The following GPSM1 variants were observed in gnomAD, a reference collection of about 807,000 sequenced individuals.
GPSM1 encodes the protein G protein signaling modulator 1, also known as G protein-signaling modulator 1.
Under a neutral mutation model 70.5 loss-of-function variants are expected in GPSM1, and 48 were observed. The observed-to-expected ratio is 0.68, with a 90% CI of 0.54 to 0.87. The LOEUF (loss-of-function observed/expected upper bound fraction) is 0.87, where lower values mean the gene tolerates loss of function less well. Among genes scored for constraint, GPSM1 ranks in the 40% least tolerant of loss-of-function variants. GPSM1 has a pLI of 0.00. For missense variants in GPSM1, 981 were observed against 972.6 expected, an observed-to-expected ratio of 1.01 and a Z score of -0.11; for synonymous variants, 416 against 430.1, an observed-to-expected ratio of 0.97 and a Z score of 0.41.
Position 136,351,278 on chromosome 9 carries a change from G to A in GPSM1, c.1455+1515G>A, listed in dbSNP as rs183490215. ...CTGATGGGAGAGGTGTGGAGGGAAG[G>A]GCACCCAGGGAGCACCTGGTCAGGC... On this transcript the variant is annotated intron_variant, in intron 11 of 13. Coordinates refer to ENST00000440944, the MANE Select transcript of GPSM1 (RefSeq NM_001145638.3). Among the ~76,000 whole-genome samples, 50 of 152,278 alleles carry A rather than the reference G, an allele frequency of 3.3e-4. No homozygotes were observed. The East Asian group carries it at 6.8e-3, about 21-fold the overall frequency.
intron 13 of GPSM1, among the ~76,000 whole-genome samples, 173 bp from the exon 14 acceptor site, chr9:136,357,841 C>G (rs141715644): frequency 6.6e-6 from 1 of 152,184 alleles, no homozygotes; most frequent in African/African-American, 2.4e-5. Flanking sequence ...GCTCAGGGCC[C>G]GGGCTCCCAG....
At chr9:136,348,947 C>T (rs782372639) in intron 10 of GPSM1, among the ~76,000 whole-genome samples, 180 bp downstream of exon 10, 16 of 152,262 alleles carry the variant, frequency 1.1e-4, no homozygotes, top group Non-Finnish European at 2.1e-4. Flanking sequence ...TGTCCCTCAG[C>T]GTCTGGCCAG....
rs905648395 is a variant in GPSM1, at chr9:136,348,731, G to A, written c.1242G>A (p.Ala414=). Residue 414 remains alanine, a synonymous_variant, in exon 10 of 14, where the codon GCG becomes GCA. Coordinates refer to ENST00000440944, the MANE Select transcript of GPSM1 (RefSeq NM_001145638.3). ...ARPKRTQRLS[A]ETWDLLRLPL... Reference sequence around the variant, plus strand: ...CCAAGAGGACGCAGAGGCTGAGCGCGGAGACCTGGGACCTGCTGAGACTCC... The same window carrying A: ...CCAAGAGGACGCAGAGGCTGAGCGCAGAGACCTGGGACCTGCTGAGACTCC... 1.1e-5 allele frequency: 18 copies of A among 1,612,198 alleles called. No homozygotes were observed. The highest frequency in any genetic ancestry group is 1.6e-4 in the Middle Eastern group (1 of 6,066).
rs782407260 is a variant in GPSM1 at position 136,340,663 on chromosome 9, G to A, written c.1084-207G>A. ...AACTAGGGGCTGTTGAGGACCTGTG[G>A]GGCCACCTCACCCAGGGACAGACCC... On this transcript the variant is annotated intron_variant, in intron 8 of 13. Transcript: ENST00000440944. This position sits in a 1 kb window ranked among gnomAD's most constrained non-coding sequence, Gnocchi z 7.3. 2.6e-5 allele frequency among the ~76,000 whole-genome samples: 4 copies of A among 151,972 alleles called. No homozygotes were observed. Among genetic ancestry groups the A allele is most frequent in the Non-Finnish European group, 5.9e-5 (4 of 67,966 alleles).
chr9:136,330,547 C>T (rs1256239064), intron 1 of GPSM1, among the ~76,000 whole-genome samples: 7 of 152,162 alleles, frequency 4.6e-5, no homozygotes, highest in East Asian at 1.9e-4. Context: ...CCCGGTCCTG[C>T]GCCTCACTCT....
intron 11 of GPSM1, among the ~76,000 whole-genome samples, chr9:136,350,989 T>G (rs1202063598): frequency 6.6e-6 from 1 of 152,144 alleles, no homozygotes; most frequent in Non-Finnish European, 1.5e-5. Context: ...CTGGTTGGTG[T>G]TCAGGGGCAC....
chr9:136,336,850 C>T lies in GPSM1; in HGVS notation c.427-71C>T, dbSNP rs539629817. 1.7e-4 allele frequency: 239 copies of T among 1,427,846 alleles called. 2 individuals carry two copies. In the South Asian group the frequency reaches 2.9e-3, roughly 17 times the overall value. 88.4% of individuals were successfully genotyped at this position (1,427,846 alleles called of 1,614,324 possible). A position where few individuals can be genotyped will look rare whatever the true frequency, so the allele number is the denominator to read the frequency against. On this transcript the variant is annotated intron_variant, in intron 3 of 13. Coordinates refer to ENST00000440944, the MANE Select transcript of GPSM1 (RefSeq NM_001145638.3). ...TCGAGGGCTGGGACAGTGAGGACAC[C>T]GGTGTGCCGGCTCTGCACATCGTGT...
chr9:136,333,341 T>C (rs1466073999), intron 1 of GPSM1, among the ~76,000 whole-genome samples: 2 of 151,910 alleles, frequency 1.3e-5, no homozygotes, highest in Non-Finnish European at 2.9e-5. Flanking sequence ...CCATGTGACC[T>C]GTAAGAGTAG....
chr9:136,341,170 T>C lies in GPSM1; in HGVS notation c.1207+177T>C, dbSNP rs1554770240. On this transcript the variant is annotated intron_variant, in intron 9 of 13. Transcript: ENST00000440944. This position sits in a 1 kb window ranked among gnomAD's most constrained non-coding sequence, Gnocchi z 6.7. The stretch of plus-strand genomic sequence containing the variant: ...GACAGCACAGGCCTGAGGTTCACCC[T>C]GAGCCCTTCCCACCCGCATCCTGAG... 16 of 1,548,988 alleles carry C rather than the reference T, an allele frequency of 1.0e-5. No individual in the cohort carries two copies. Among genetic ancestry groups the C allele is most frequent in the African/African-American group, 1.4e-5 (1 of 73,130 alleles).
intron 1 of GPSM1, chr9:136,332,085 G>GC (rs774007960): frequency 1.5e-4 from 58 of 399,120 alleles, no homozygotes; most frequent in South Asian, 7.6e-4. Flanking sequence ...GGTGTATGGC[G>GC]CCCCCCGCCC....
intron 11 of GPSM1, among the ~76,000 whole-genome samples, chr9:136,353,544 T>G (rs1181542522): frequency 6.6e-6 from 1 of 152,178 alleles, no homozygotes; most frequent in Non-Finnish European, 1.5e-5. Flanking sequence ...GCACCTGCAG[T>G]CGTGGGCCCC....
In GPSM1 at chr9:136,341,274, C is replaced by T; in HGVS notation, c.1207+281C>T. ...CTGGCTGCTCCAGGGCCTCCACCCCCACCTCCCCCTGGAGCCCTCGGTGCA... is the reference window on the plus strand; with the variant it reads ...CTGGCTGCTCCAGGGCCTCCACCCCTACCTCCCCCTGGAGCCCTCGGTGCA... On this transcript the variant is annotated intron_variant, in intron 9 of 13. Coordinates refer to ENST00000440944, the MANE Select transcript of GPSM1 (RefSeq NM_001145638.3). The surrounding 1 kb of genome is among the most constrained non-coding windows in gnomAD (Gnocchi z 6.7). 2 of 1,476,398 alleles carry T rather than the reference C, an allele frequency of 1.4e-6. No individual in the cohort carries two copies. The highest frequency in any genetic ancestry group is 1.8e-6 in the Non-Finnish European group (2 of 1,111,666). The allele number at this position is 1,476,398 out of a possible 1,614,324, so 91.5% of individuals were successfully genotyped here. A position where few individuals can be genotyped will look rare whatever the true frequency, so the allele number is the denominator to read the frequency against.
At position 136,350,743 on chromosome 9, in the gene GPSM1, G is replaced by A. The variant is rs1003494053; in HGVS notation, c.1455+980G>A. Among the ~76,000 whole-genome samples, 14 of 152,240 alleles carry A rather than the reference G, an allele frequency of 9.2e-5. No individual in the cohort carries two copies. The East Asian group carries it at 9.6e-4, about 10-fold the overall frequency. Reference sequence around the variant, plus strand: ...TCACAGCCCAGCAAGCAGCAGCAGCGCAGCCTGGGCGCCACCCGGGTCCTC... The same window carrying A: ...TCACAGCCCAGCAAGCAGCAGCAGCACAGCCTGGGCGCCACCCGGGTCCTC... On this transcript the variant is annotated intron_variant, in intron 11 of 13. Coordinates refer to ENST00000440944, the MANE Select transcript of GPSM1 (RefSeq NM_001145638.3).
intron 9 of GPSM1, among the ~76,000 whole-genome samples, chr9:136,345,855 G>A (rs567604382): frequency 2.0e-5 from 3 of 152,204 alleles, no homozygotes. Context: ...TCATCTGGGT[G>A]GGGGTGGGCA....
At position 136,342,988 on chromosome 9, in the gene GPSM1, T is replaced by C. The variant is rs1338791972; in HGVS notation, c.1207+1995T>C. On this transcript the variant is annotated intron_variant, in intron 9 of 13. Transcript: ENST00000440944. The surrounding 1 kb of genome is among the most constrained non-coding windows in gnomAD (Gnocchi z 5.5). The stretch of plus-strand genomic sequence containing the variant: ...GAGGCTGGTGGGTTTGGTGTCCCGT[T>C]GATAAACACAAGGAGACTTACGTGC... 6.6e-6 allele frequency among the ~76,000 whole-genome samples: 1 copy of C among 151,962 alleles called. No individual in the cohort carries two copies. The highest frequency in any genetic ancestry group is 2.4e-5 in the African/African-American group (1 of 41,372).
rs782517443 is a variant in GPSM1 at position 136,341,010 on chromosome 9, TG to T, written c.1207+24del. The T allele has an allele frequency of 1.7e-5, 27 of 1,563,022 alleles. No individual in the cohort carries two copies. Among genetic ancestry groups the T allele is most frequent in the Admixed American group, 1.5e-4 (8 of 53,218 alleles). On this transcript the variant is annotated intron_variant, in intron 9 of 13. Transcript: ENST00000440944. This position sits in a 1 kb window ranked among gnomAD's most constrained non-coding sequence, Gnocchi z 6.7. ...AGGCCCAGGGTGAGTTCCAGGGTTG[TG>T]GGGGGGTCTTGCTCCCCACAGGCAC...
rs781980488 is a variant in GPSM1, at chr9:136,337,846, C to T, written c.703C>T (p.Arg235Cys). 40 of 1,607,502 alleles carry T rather than the reference C, an allele frequency of 2.5e-5. No homozygotes were observed. The highest frequency in any genetic ancestry group is 2.0e-4 in the South Asian group (18 of 90,964). Residue 235 changes from arginine (R) to cysteine (C), a missense_variant and splice_region_variant, in exon 6 of 14, where the codon CGC becomes TGC. By Grantham distance (180) the Arg-to-Cys change is radical. Coordinates refer to ENST00000440944, the MANE Select transcript of GPSM1 (RefSeq NM_001145638.3). The part of the protein sequence containing the change: ...FTEATTFHKE[R>C]LAIAKEFGDK... The stretch of plus-strand genomic sequence containing the variant: ...CCTGGCCTCCGGTGTGTCTCCGCAG[C>T]GCCTGGCCATTGCTAAGGAGTTTGG...
intron 1 of GPSM1, among the ~76,000 whole-genome samples, chr9:136,333,950 C>G (rs782671337): frequency 6.6e-6 from 1 of 151,998 alleles, no homozygotes; most frequent in Non-Finnish European, 1.5e-5. Context: ...CCCACCCCAC[C>G]CGACCCCCAT....
intron 10 of GPSM1, among the ~76,000 whole-genome samples, chr9:136,349,365 C>T (rs1347674275): frequency 2.0e-5 from 3 of 152,222 alleles, no homozygotes; most frequent in East Asian, 3.8e-4. Context: ...TGGTATAAGC[C>T]GGCTGACATT....
Sources: allele counts gnomAD v4.1 joint callset (sites outside exome capture counted in the v4.1 genomes callset), GRCh38; gene constraint gnomAD v4.1.1; non-coding constraint Gnocchi (gnomAD v3.1); transcripts MANE v1.5; gene names NCBI Gene and HGNC (gene_info 2026-07-23, HGNC 2026-07-21).